PTPRK: variants seen among roughly 807,000 people sequenced by gnomAD.
The protein encoded by PTPRK is protein tyrosine phosphatase receptor type K.
A neutral mutation model predicts 178.0 loss-of-function variants in PTPRK; 75 were observed. The ratio of observed to expected loss-of-function variants is 0.42; its 90% CI spans 0.35 to 0.51. The LOEUF (loss-of-function observed/expected upper bound fraction) is 0.51, where lower values mean the gene tolerates loss of function less well. PTPRK is among the 20% of genes least tolerant of loss of function. The probability of loss-of-function intolerance (pLI) is 0.02; values close to 1 mark genes in which losing one functional copy is unlikely to be tolerated. For missense variants in PTPRK, 1,441 were observed against 1,797.8 expected, an observed-to-expected ratio of 0.80 and a Z score of 3.59; for synonymous variants, 637 against 620.6, an observed-to-expected ratio of 1.03 and a Z score of -0.39.
chr6:128,302,294 C>T (rs945803311), intron 3 of PTPRK, among the ~76,000 whole-genome samples: 7 of 145,570 alleles, frequency 4.8e-5, no homozygotes, highest in Non-Finnish European at 1.0e-4. Flanking sequence ...AGGGAGGCTG[C>T]GGCATAAGAA....
In PTPRK at chr6:128,474,460, C is replaced by A. The variant is rs138255300; in HGVS notation, c.100+45799G>T. Among the ~76,000 whole-genome samples the A allele has an allele frequency of 5.1e-3, 773 of 152,104 alleles. 19 individuals carry two copies. The highest frequency in any genetic ancestry group is 0.041 in the Admixed American group (629 of 15,238). On this transcript the variant is annotated intron_variant, in intron 1 of 29. Transcript: ENST00000368226. ...ATGACCTCAGAAAATAAAATAAATGCTTAGAACAAGAACAAGCTGTGGACT... is the reference window on the plus strand; with the variant it reads ...ATGACCTCAGAAAATAAAATAAATGATTAGAACAAGAACAAGCTGTGGACT...
intron 1 of PTPRK, among the ~76,000 whole-genome samples, chr6:128,452,179 T>A (rs892163670): frequency 6.6e-6 from 1 of 152,180 alleles, no homozygotes; most frequent in African/African-American, 2.4e-5. Context: ...CCACCTTTCA[T>A]CTCTGCTTAT....
intron 2 of PTPRK, among the ~76,000 whole-genome samples, chr6:128,363,456 A>T (rs1835050087): frequency 6.6e-6 from 1 of 152,186 alleles, no homozygotes; most frequent in Non-Finnish European, 1.5e-5. Context: ...GCCATGGCTA[A>T]TTAGGAACTA....
chr6:128,321,512 CATTTA>C (rs1584140939), intron 3 of PTPRK: 2 of 340,734 alleles, frequency 5.9e-6, no homozygotes, highest in Admixed American at 4.7e-5. Context: ...TTTTATATGT[CATTTA>C]ATTTATTCAA....
intron 6 of PTPRK, among the ~76,000 whole-genome samples, chr6:128,190,632 G>A (rs1004449015): frequency 9.9e-5 from 15 of 150,768 alleles, no homozygotes; most frequent in African/African-American, 3.7e-4. Context: ...CCAAGTAGCT[G>A]GGATTACAGA....
At chr6:128,017,149 AAG>A (rs1779678026) in intron 13 of PTPRK, among the ~76,000 whole-genome samples, 1 of 152,106 alleles carries the variant, frequency 6.6e-6, no homozygotes, top group East Asian at 1.9e-4. Flanking sequence ...AGTCCATCCA[AAG>A]AGTTATTTTT....
intron 2 of PTPRK, among the ~76,000 whole-genome samples, chr6:128,349,308 C>T (rs543003307): frequency 6.6e-6 from 1 of 151,924 alleles, no homozygotes; most frequent in South Asian, 2.1e-4. Flanking sequence ...ATAAATATTC[C>T]CTAGTAGATT....
intron 1 of PTPRK, among the ~76,000 whole-genome samples, chr6:128,429,022 T>C (rs1844508242): frequency 6.6e-6 from 1 of 152,238 alleles, no homozygotes; most frequent in South Asian, 2.1e-4. Context: ...TAGAATATTT[T>C]TTCATTTATG....
intron 7 of PTPRK, among the ~76,000 whole-genome samples, chr6:128,174,683 T>A (rs1800804580): frequency 6.6e-6 from 1 of 151,908 alleles, no homozygotes; most frequent in Non-Finnish European, 1.5e-5. Flanking sequence ...GTTATTGATT[T>A]TTATTTTATA....
At chr6:127,987,344 C>T (rs1776097140) in intron 21 of PTPRK, among the ~76,000 whole-genome samples, 1 of 151,934 alleles carries the variant, frequency 6.6e-6, no homozygotes, top group Non-Finnish European at 1.5e-5. Flanking sequence ...ATATCAAGTA[C>T]TCCCATATTC....
At chr6:128,412,891 T>C (rs866967580) in intron 1 of PTPRK, among the ~76,000 whole-genome samples, 10 of 152,286 alleles carry the variant, frequency 6.6e-5, no homozygotes, top group Middle Eastern at 6.8e-3. Context: ...CATGGTCTCA[T>C]TTCAGCAGCT....
chr6:128,366,623 C>T (rs1472199145), intron 2 of PTPRK, among the ~76,000 whole-genome samples: 1 of 152,070 alleles, frequency 6.6e-6, no homozygotes, highest in African/African-American at 2.4e-5. Flanking sequence ...ACTTATCCAC[C>T]TCGGGATACA....
chr6:128,426,297 T>A (rs1844131268), intron 1 of PTPRK, among the ~76,000 whole-genome samples: 1 of 152,324 alleles, frequency 6.6e-6, no homozygotes, highest in African/African-American at 2.4e-5. Context: ...CAGTTCATTT[T>A]TAAAGCTCCC....
At chr6:128,498,573 G>A (rs1855077427) in intron 1 of PTPRK, among the ~76,000 whole-genome samples, 1 of 152,132 alleles carries the variant, frequency 6.6e-6, no homozygotes, top group African/African-American at 2.4e-5. Flanking sequence ...TCCTCTAAAG[G>A]TTGAGAACTA....
intron 8 of PTPRK, among the ~76,000 whole-genome samples, chr6:128,088,003 C>T (rs1786237102): frequency 6.6e-6 from 1 of 152,166 alleles, no homozygotes. Flanking sequence ...CCAAAAGACA[C>T]ACCTGATCTA....
intron 1 of PTPRK, among the ~76,000 whole-genome samples, chr6:128,443,531 G>A (rs1846555316): frequency 6.6e-6 from 1 of 152,208 alleles, no homozygotes; most frequent in Non-Finnish European, 1.5e-5. Context: ...AGATTAGGGA[G>A]CAAGTATAGT....
Position 128,519,671 on chromosome 6 carries a change from C to T in PTPRK, c.100+588G>A, listed in dbSNP as rs9482893. 0.13 allele frequency among the ~76,000 whole-genome samples: 19,105 copies of T among 152,204 alleles called. 1,338 individuals carry two copies. Among genetic ancestry groups the T allele is most frequent in the African/African-American group, 0.16 (6,676 of 41,538 alleles). ...CGCCAACACACACACAGAACATGCT[C>T]CAAGCAGTGCCCGAGCGCACAGGGC... On this transcript the variant is annotated intron_variant, in intron 1 of 29. Transcript: ENST00000368226. This position sits in a 1 kb window ranked among gnomAD's most constrained non-coding sequence, Gnocchi z 4.3.
chr6:128,481,121 CAG>C (rs1273391545), intron 1 of PTPRK, among the ~76,000 whole-genome samples: 1 of 150,206 alleles, frequency 6.7e-6, no homozygotes, highest in African/African-American at 2.4e-5. Flanking sequence ...ATTCTAAATT[CAG>C]AGAGAGAGAG....
intron 1 of PTPRK, among the ~76,000 whole-genome samples, chr6:128,461,036 A>G (rs1041936748): frequency 6.6e-6 from 1 of 152,204 alleles, no homozygotes; most frequent in African/African-American, 2.4e-5. Context: ...GAAGCTGGAA[A>G]GAAATTATTT....
Sources: gnomAD v4.1 joint callset for allele counts (sites outside exome capture counted in the v4.1 genomes callset) on GRCh38, gnomAD v4.1.1 for gene constraint, Gnocchi (gnomAD v3.1) non-coding constraint, MANE v1.5 for transcripts, NCBI Gene and HGNC (gene_info 2026-07-23, HGNC 2026-07-21) for gene names.